ROBO1: variants seen among roughly 807,000 people sequenced by gnomAD.
ROBO1 encodes the protein roundabout guidance receptor 1.
In ROBO1, 149 loss-of-function variants were observed where a neutral mutation model predicts 195.9. The ratio of observed to expected loss-of-function variants is 0.76; its 90% CI spans 0.67 to 0.87. ROBO1 has a LOEUF of 0.87. Among genes scored for constraint, ROBO1 ranks in the 40% least tolerant of loss-of-function variants. The probability of loss-of-function intolerance (pLI) is 0.00; values close to 1 mark genes in which losing one functional copy is unlikely to be tolerated. For missense variants in ROBO1, 1,933 were observed against 2,068.3 expected (o/e 0.93, Z 1.27); for synonymous variants, 816 against 733.2 (o/e 1.11, Z -1.82).
chr3:79,670,506 ACTTTAC>A (rs1375526668), intron 1 of ROBO1, among the ~76,000 whole-genome samples: 1 of 151,784 alleles, frequency 6.6e-6, no homozygotes, highest in African/African-American at 2.4e-5. Context: ...CATACTCTAA[ACTTTAC>A]CTTTAACACA....
At chr3:79,035,886 A>G (rs2078373376) in intron 3 of ROBO1, among the ~76,000 whole-genome samples, 1 of 152,222 alleles carries the variant, frequency 6.6e-6, no homozygotes, top group Non-Finnish European at 1.5e-5. Context: ...GACCATTAAA[A>G]GTGTTTAACT....
intron 3 of ROBO1, among the ~76,000 whole-genome samples, chr3:79,059,940 A>G (rs1321989227): frequency 6.6e-6 from 1 of 152,018 alleles, no homozygotes; most frequent in Non-Finnish European, 1.5e-5. Flanking sequence ...CTGCCTGCCG[A>G]GCTGGGCAGA....
intron 2 of ROBO1, among the ~76,000 whole-genome samples, chr3:79,575,465 A>G (rs1276491988): frequency 1.5e-5 from 2 of 132,710 alleles, no homozygotes; most frequent in African/African-American, 5.7e-5. Context: ...ATATATAACA[A>G]ATACATATAT....
intron 2 of ROBO1, among the ~76,000 whole-genome samples, chr3:79,287,048 G>T (rs2031929651): frequency 6.6e-6 from 1 of 152,106 alleles, no homozygotes; most frequent in South Asian, 2.1e-4. Flanking sequence ...ATTTTGGGAA[G>T]TTTTCCAGCG....
chr3:78,862,191 G>T (rs535599815), intron 4 of ROBO1, among the ~76,000 whole-genome samples: 2 of 152,188 alleles, frequency 1.3e-5, no homozygotes, highest in South Asian at 4.2e-4. Context: ...AAGTCAGAGA[G>T]GCTCTAAGTG....
At chr3:78,997,717 A>G (rs555059796) in intron 3 of ROBO1, among the ~76,000 whole-genome samples, 2 of 152,292 alleles carry the variant, frequency 1.3e-5, no homozygotes, top group East Asian at 3.9e-4. Context: ...ACTCACCTAG[A>G]CTTGAAGAAT....
intron 18 of ROBO1, among the ~76,000 whole-genome samples, chr3:78,655,457 C>A (rs1706946655): frequency 6.6e-6 from 1 of 152,156 alleles, no homozygotes. Context: ...CCAGGGTCCA[C>A]TTCAGAAGCC....
At position 79,447,405 on chromosome 3, in the gene ROBO1, G is replaced by A. The variant is rs191190654; in HGVS notation, c.88+142419C>T. On this transcript the variant is annotated intron_variant, in intron 2 of 30. Coordinates refer to ENST00000464233, the MANE Select transcript of ROBO1 (RefSeq NM_002941.4). ...TTTACAAAACAAATGTCCGAAAATG[G>A]AATGGATCATGAGATCTTCACCAAT... 1.5e-3 allele frequency among the ~76,000 whole-genome samples: 231 copies of A among 151,978 alleles called. 2 individuals carry two copies. The highest frequency in any genetic ancestry group is 1.8e-3 in the East Asian group (9 of 5,142).
chr3:78,688,314 T>C (rs1249594583), intron 9 of ROBO1, among the ~76,000 whole-genome samples: 1 of 152,208 alleles, frequency 6.6e-6, no homozygotes, highest in Non-Finnish European at 1.5e-5. Flanking sequence ...CTCTTTAATA[T>C]ATAATTCCAG....
intron 1 of ROBO1, among the ~76,000 whole-genome samples, chr3:79,731,391 A>C (rs557556643): frequency 6.6e-6 from 1 of 152,216 alleles, no homozygotes; most frequent in Non-Finnish European, 1.5e-5. Context: ...GGATCTATGT[A>C]TGGACTCAAA....
intron 2 of ROBO1, among the ~76,000 whole-genome samples, chr3:79,513,624 C>G (rs1326750174): frequency 6.6e-6 from 1 of 151,814 alleles, no homozygotes; most frequent in Non-Finnish European, 1.5e-5. Context: ...ACTTTTTGAC[C>G]TACATAAGCC....
chr3:79,430,885 G>A (rs1046497510), intron 2 of ROBO1, among the ~76,000 whole-genome samples: 3 of 152,064 alleles, frequency 2.0e-5, no homozygotes, highest in Admixed American at 2.0e-4. Flanking sequence ...AAGACATTGT[G>A]TATGATTTAG....
At chr3:79,436,242 T>C (rs1282397623) in intron 2 of ROBO1, among the ~76,000 whole-genome samples, 2 of 152,212 alleles carry the variant, frequency 1.3e-5, no homozygotes, top group Non-Finnish European at 2.9e-5. Context: ...TATGGTTAGT[T>C]TGCCTTTAAA....
At chr3:78,614,471 GGAGTA>G (rs1316160752) in intron 28 of ROBO1, among the ~76,000 whole-genome samples, 172 bp downstream of exon 28, 1 of 152,108 alleles carries the variant, frequency 6.6e-6, no homozygotes. Context: ...AAAACTGCAA[GGAGTA>G]GAGATGCTTG....
intron 4 of ROBO1, among the ~76,000 whole-genome samples, chr3:78,814,352 CAAT>C (rs1489295801): frequency 6.6e-6 from 1 of 151,630 alleles, no homozygotes; most frequent in Non-Finnish European, 1.5e-5. Flanking sequence ...AATATGTAAT[CAAT>C]AATAAAAATT....
chr3:78,618,010 G>A lies in ROBO1; in HGVS notation c.3907C>T (p.Arg1303Trp), dbSNP rs748731909. Reference sequence around the variant, plus strand: ...TAGGTATGTGGAGGGGAGATCGGCCGTGGTGGTGGAGGAGGACTCACAGGC... The same window carrying A: ...TAGGTATGTGGAGGGGAGATCGGCCATGGTGGTGGAGGAGGACTCACAGGC... ...RQPVSPPPPP[R>W]PISPPHTYGY... is the part of the protein sequence containing the mutation. The change falls in exon 27 of 31, where the codon CGG (arginine) becomes TGG (tryptophan). Residue 1303 changes from arginine (R) to tryptophan (W), a missense_variant. Coordinates refer to ENST00000464233, the MANE Select transcript of ROBO1 (RefSeq NM_002941.4). 46 of 1,613,336 alleles carry A rather than the reference G, an allele frequency of 2.9e-5. No homozygotes were observed. Among genetic ancestry groups the A allele is most frequent in the East Asian group, 2.7e-4 (12 of 44,862 alleles).
intron 4 of ROBO1, among the ~76,000 whole-genome samples, chr3:78,876,229 A>G (rs1369651628): frequency 6.6e-6 from 1 of 152,190 alleles, no homozygotes; most frequent in African/African-American, 2.4e-5. Flanking sequence ...TTTCAAAAGA[A>G]AGATAAATTT....
chr3:79,548,142 T>G (rs1041448977), intron 2 of ROBO1, among the ~76,000 whole-genome samples: 3 of 152,158 alleles, frequency 2.0e-5, no homozygotes, highest in Non-Finnish European at 2.9e-5. Flanking sequence ...GAAAAATGCT[T>G]GTTAGGAGAT....
Position 79,523,712 on chromosome 3 carries a change from G to A in ROBO1, c.88+66112C>T, listed in dbSNP as rs537132645. 3.4e-4 allele frequency among the ~76,000 whole-genome samples: 52 copies of A among 152,000 alleles called. No individual in the cohort carries two copies. In the South Asian group the frequency reaches 9.1e-3, roughly 27 times the overall value. On this transcript the variant is annotated intron_variant, in intron 2 of 30. Transcript: ENST00000464233. The stretch of plus-strand genomic sequence containing the variant: ...TGGTCTTCAACTCCTGACTTCAGAT[G>A]ATCCACTCGCCTTGGCCTCCCAAAG...
Sources: gnomAD v4.1 joint callset for allele counts (sites outside exome capture counted in the v4.1 genomes callset) on GRCh38, gnomAD v4.1.1 for gene constraint, MANE v1.5 for transcripts, NCBI Gene and HGNC (gene_info 2026-07-23, HGNC 2026-07-21) for gene names.